The following ATAD2B variants were observed in gnomAD, a reference collection of about 807,000 sequenced individuals.
ATAD2B encodes the protein ATPase family AAA domain-containing protein 2B.
A neutral mutation model predicts 167.6 loss-of-function variants in ATAD2B; 40 were observed. The observed-to-expected ratio is 0.24, with a 90% CI of 0.19 to 0.31. The LOEUF (loss-of-function observed/expected upper bound fraction) is 0.31, where lower values mean the gene tolerates loss of function less well. Ranked by LOEUF, ATAD2B falls within the 10% of genes least tolerant of loss-of-function variation. The pLI is 1.00. For synonymous variants in ATAD2B, 579 were observed against 596.5 expected (o/e 0.97, Z 0.43); for missense variants, 1,242 against 1,757.2 (o/e 0.71, Z 5.24).
chr2:23,804,674 G>GAAA (rs556263378), intron 18 of ATAD2B, among the ~76,000 whole-genome samples: 1 of 126,170 alleles, frequency 7.9e-6, no homozygotes, highest in Non-Finnish European at 1.7e-5. Context: ...AAAAAATCAG[G>GAAA]AAAAAAAAAA....
chr2:23,777,980 CCA>C (rs890723222), intron 22 of ATAD2B, among the ~76,000 whole-genome samples: 5 of 152,168 alleles, frequency 3.3e-5, no homozygotes, highest in African/African-American at 1.2e-4. Context: ...CCCCAAATGG[CCA>C]AGTGTTCTGT....
intron 12 of ATAD2B, among the ~76,000 whole-genome samples, chr2:23,859,648 T>C (rs541185810): frequency 1.3e-5 from 2 of 152,162 alleles, no homozygotes; most frequent in Non-Finnish European, 2.9e-5. Context: ...CCAAAACTCA[T>C]GTTGAAATTT....
chr2:23,738,149 C>T, the ATAD2B span, among the ~76,000 whole-genome samples: 532 of 152,272 alleles, frequency 3.5e-3, 1 homozygote, highest in Non-Finnish European at 6.2e-3. Flanking sequence ...AAGAGAAGTT[C>T]CCCAATCTAG....
the ATAD2B span, among the ~76,000 whole-genome samples, chr2:23,719,462 C>T: frequency 1.3e-5 from 2 of 152,176 alleles, no homozygotes; most frequent in Admixed American, 1.3e-4. Flanking sequence ...TCACTTCCCC[C>T]ACTCCATCCA....
intron 18 of ATAD2B, among the ~76,000 whole-genome samples, chr2:23,803,671 A>C (rs1392406405): frequency 1.3e-5 from 2 of 152,244 alleles, no homozygotes; most frequent in African/African-American, 2.4e-5. Flanking sequence ...CAATAGCTGA[A>C]TCCGTCAGAA....
In ATAD2B at chr2:23,759,812, G is replaced by A. The variant is rs186977287; in HGVS notation, c.3395-1711C>T. 1.4e-3 allele frequency among the ~76,000 whole-genome samples: 211 copies of A among 152,246 alleles called. 3 individuals carry two copies. Among genetic ancestry groups the A allele is most frequent in the African/African-American group, 3.6e-3 (148 of 41,536 alleles). ...AATCTGGTACACAGGCTCAGGTGAT[G>A]GGCATTTGTAAACATCCCATTAGCT... On this transcript the variant is annotated intron_variant, in intron 24 of 27. Coordinates refer to ENST00000238789, the MANE Select transcript of ATAD2B (RefSeq NM_017552.4).
chr2:23,861,259 A>G (rs192852956), intron 12 of ATAD2B, among the ~76,000 whole-genome samples: 10 of 151,554 alleles, frequency 6.6e-5, no homozygotes, highest in Admixed American at 4.0e-4. Context: ...GTGAAATCTC[A>G]TAACAGTCTA....
intron 24 of ATAD2B, among the ~76,000 whole-genome samples, chr2:23,758,690 A>G (rs1177449173): frequency 6.6e-6 from 1 of 152,210 alleles, no homozygotes; most frequent in Non-Finnish European, 1.5e-5. Flanking sequence ...CAATTTGGTG[A>G]GCCAACTGTT....
At chr2:23,827,582 G>A (rs969404722) in intron 15 of ATAD2B, among the ~76,000 whole-genome samples, 1 of 152,180 alleles carries the variant, frequency 6.6e-6, no homozygotes. Flanking sequence ...AGTCCGATCT[G>A]AACTCTAGTA....
chr2:23,725,958 A>T, the ATAD2B span, among the ~76,000 whole-genome samples: 15 of 152,118 alleles, frequency 9.9e-5, no homozygotes, highest in Non-Finnish European at 1.9e-4. Flanking sequence ...AAACAGTATG[A>T]CAATTCCTTA....
chr2:23,922,800 A>G (rs912281057), intron 1 of ATAD2B, among the ~76,000 whole-genome samples: 1 of 152,076 alleles, frequency 6.6e-6, no homozygotes, highest in African/African-American at 2.4e-5. Flanking sequence ...AATCAAAACC[A>G]CAATGAGATA....
chr2:23,712,593 C>A, the ATAD2B span, among the ~76,000 whole-genome samples: 1 of 152,094 alleles, frequency 6.6e-6, no homozygotes, highest in Non-Finnish European at 1.5e-5. Flanking sequence ...ACAGCAGCCT[C>A]GGCCCCAAAG....
chr2:23,904,043 T>C (rs1701172709), intron 1 of ATAD2B, among the ~76,000 whole-genome samples: 2 of 151,792 alleles, frequency 1.3e-5, no homozygotes, highest in African/African-American at 4.8e-5. Flanking sequence ...GAAAGTTAGT[T>C]TGGAATTATA....
chr2:23,870,907 G>C (rs1203626763), intron 8 of ATAD2B, among the ~76,000 whole-genome samples: 1 of 151,872 alleles, frequency 6.6e-6, no homozygotes, highest in Non-Finnish European at 1.5e-5. Context: ...CATCACGAAG[G>C]AAAAATAATA....
intron 7 of ATAD2B, among the ~76,000 whole-genome samples, chr2:23,880,379 G>A (rs962751331): frequency 6.6e-6 from 1 of 151,914 alleles, no homozygotes; most frequent in Non-Finnish European, 1.5e-5. Context: ...TAGTAGAGAT[G>A]GGGTTTCACC....
At chr2:23,872,649 C>T in intron 8 of ATAD2B, 1 of 1,346,324 alleles carries the variant, frequency 7.4e-7, no homozygotes, top group South Asian at 1.2e-5. Flanking sequence ...GGTGGTGGAA[C>T]ATCATAGGAG....
chr2:23,744,465 T>C (rs1038892634), downstream of ATAD2B, among the ~76,000 whole-genome samples: 83 of 152,224 alleles, frequency 5.5e-4, no homozygotes, highest in African/African-American at 1.8e-3. Flanking sequence ...ACAATGTTTA[T>C]AGACACATAC....
chr2:23,733,429 T>C, the ATAD2B span, among the ~76,000 whole-genome samples: 1 of 152,266 alleles, frequency 6.6e-6, no homozygotes, highest in Non-Finnish European at 1.5e-5. Flanking sequence ...GCTTAAACTT[T>C]GCTGTTTCTC....
chr2:23,891,530 C>T (rs1225696777), intron 2 of ATAD2B, among the ~76,000 whole-genome samples: 1 of 151,998 alleles, frequency 6.6e-6, no homozygotes, highest in African/African-American at 2.4e-5. Flanking sequence ...GAGCCTCACT[C>T]TGTCGCCCAC....
Sources: gnomAD v4.1 joint callset for allele counts (sites outside exome capture counted in the v4.1 genomes callset) on GRCh38, gnomAD v4.1.1 for gene constraint, MANE v1.5 for transcripts, NCBI Gene and HGNC (gene_info 2026-07-23, HGNC 2026-07-21) for gene names.